CUL3: variants seen among roughly 807,000 people sequenced by gnomAD.
CUL3 encodes cullin-3.
A neutral mutation model predicts 89.1 loss-of-function variants in CUL3; 19 were observed. That is an observed-to-expected ratio of 0.21 (90% CI 0.15 to 0.31). CUL3 has a LOEUF of 0.31. Among genes scored for constraint, CUL3 ranks in the 10% least tolerant of loss-of-function variants. CUL3 has a pLI of 1.00. For missense variants in CUL3, 469 were observed against 942.3 expected (o/e 0.50, Z 6.58); for synonymous variants, 351 against 308.4 (o/e 1.14, Z -1.45).
At position 224,585,355 on chromosome 2, in the gene CUL3, G is replaced by A. The variant is rs896538346; in HGVS notation, c.-346C>T. The A allele has an allele frequency of 5.0e-6, 2 of 400,902 alleles. No individual in the cohort carries two copies. The highest frequency in any genetic ancestry group is 8.8e-6 in the Non-Finnish European group (2 of 228,256). The allele number at this position is 400,902 out of a possible 1,614,324, so 24.8% of individuals were successfully genotyped here. ...AAACATCTCACTGCGCAGGCCGAACGTCGTCCTCCTCCTCCTCCTTCTCCT... is the reference window on the plus strand; with the variant it reads ...AAACATCTCACTGCGCAGGCCGAACATCGTCCTCCTCCTCCTCCTTCTCCT... On this transcript the variant is annotated 5_prime_UTR_variant, in exon 1 of 16. It adds an upstream start codon to the 5' untranslated region. Transcript: ENST00000264414.
At chr2:224,531,233 C>T (rs1003537355) in intron 3 of CUL3, among the ~76,000 whole-genome samples, 4 of 151,610 alleles carry the variant, frequency 2.6e-5, no homozygotes, top group Non-Finnish European at 4.4e-5. Flanking sequence ...ATCATAGGCA[C>T]GCACCACCAC....
intron 10 of CUL3, among the ~76,000 whole-genome samples, chr2:224,501,961 TA>T (rs1692408765): frequency 6.6e-6 from 1 of 152,144 alleles, no homozygotes; most frequent in South Asian, 2.1e-4. Context: ...AATCTAAAAA[TA>T]AAAATCCAGG....
intron 3 of CUL3, among the ~76,000 whole-genome samples, chr2:224,530,551 T>C (rs1693660453): frequency 6.6e-6 from 1 of 152,230 alleles, no homozygotes; most frequent in East Asian, 1.9e-4. Flanking sequence ...CATATGTTTG[T>C]CAAAAATCAT....
At chr2:224,534,977 G>C (rs1412293713) in intron 3 of CUL3, among the ~76,000 whole-genome samples, 1 of 150,250 alleles carries the variant, frequency 6.7e-6, no homozygotes, top group East Asian at 1.9e-4. Flanking sequence ...CTCCAGCCTG[G>C]GGAACAGAGC....
chr2:224,550,858 C>G (rs1574685202), intron 2 of CUL3, among the ~76,000 whole-genome samples: 1 of 152,084 alleles, frequency 6.6e-6, no homozygotes, highest in African/African-American at 2.4e-5. Flanking sequence ...ATTTATCTTG[C>G]TTAAAATCCT....
intron 2 of CUL3, among the ~76,000 whole-genome samples, chr2:224,553,069 T>C (rs1358282952): frequency 2.0e-5 from 3 of 152,122 alleles, no homozygotes; most frequent in Admixed American, 6.6e-5. Context: ...TGAGACTTAC[T>C]ACCTTAGGAA....
intron 2 of CUL3, among the ~76,000 whole-genome samples, chr2:224,540,562 A>C (rs886869990): frequency 1.3e-5 from 2 of 152,164 alleles, no homozygotes; most frequent in Non-Finnish European, 2.9e-5. Context: ...AGGACTAGGA[A>C]ACCACTGGCT....
chr2:224,522,528 C>G (rs1467452845), intron 3 of CUL3, among the ~76,000 whole-genome samples: 1 of 152,076 alleles, frequency 6.6e-6, no homozygotes, highest in Non-Finnish European at 1.5e-5. Context: ...GTGGACTTAG[C>G]CACTACTAAA....
At chr2:224,487,826 A>G (rs1010444840) in intron 13 of CUL3, among the ~76,000 whole-genome samples, 2 of 152,200 alleles carry the variant, frequency 1.3e-5, no homozygotes, top group African/African-American at 4.8e-5. Context: ...ACTTATTCTA[A>G]TATTGACCAC....
chr2:224,577,570 A>C (rs1574709902), intron 1 of CUL3, among the ~76,000 whole-genome samples: 1 of 10,886 alleles, frequency 9.2e-5, no homozygotes, highest in Non-Finnish European at 1.6e-4. Flanking sequence ...ACTCTGTCTC[A>C]AAAAAAAAAA....
chr2:224,577,091 A>T (rs186547159), intron 1 of CUL3, among the ~76,000 whole-genome samples: 1 of 152,254 alleles, frequency 6.6e-6, no homozygotes, highest in Non-Finnish European at 1.5e-5. Context: ...CAAAAACAAC[A>T]TCCAATTTTA....
intron 15 of CUL3, among the ~76,000 whole-genome samples, chr2:224,474,890 G>GT (rs1421306607): frequency 1.3e-5 from 2 of 152,132 alleles, no homozygotes; most frequent in Non-Finnish European, 2.9e-5. Flanking sequence ...GCTTCTGTTG[G>GT]TTTTTTCCAA....
At chr2:224,515,048 TA>T (rs1327187648) in intron 3 of CUL3, among the ~76,000 whole-genome samples, 1 of 150,660 alleles carries the variant, frequency 6.6e-6, no homozygotes, top group Admixed American at 6.6e-5. Context: ...AAAAACAGAG[TA>T]AAAAAAGGTA....
chr2:224,573,922 T>G (rs905009927), intron 1 of CUL3, among the ~76,000 whole-genome samples: 1 of 152,168 alleles, frequency 6.6e-6, no homozygotes, highest in African/African-American at 2.4e-5. Flanking sequence ...AAGTTGTCAC[T>G]AATCTTACAA....
chr2:224,554,396 T>C (rs1694627121), intron 2 of CUL3, among the ~76,000 whole-genome samples: 1 of 152,228 alleles, frequency 6.6e-6, no homozygotes, highest in Non-Finnish European at 1.5e-5. Flanking sequence ...TTTAAAGGAC[T>C]GGAGGTTTAC....
intron 2 of CUL3, among the ~76,000 whole-genome samples, chr2:224,538,225 A>C (rs1693964342): frequency 6.6e-6 from 1 of 152,240 alleles, no homozygotes; most frequent in Non-Finnish European, 1.5e-5. Context: ...ATGTCTTCTT[A>C]TTCAGATTAC....
intron 13 of CUL3, 111 bp downstream of exon 13, chr2:224,495,721 T>C: frequency 1.2e-6 from 1 of 844,984 alleles, no homozygotes; most frequent in Non-Finnish European, 1.8e-6. Context: ...TACAGTTTTC[T>C]CTAAAAGTAC....
At position 224,473,392 on chromosome 2, in the gene CUL3, C is replaced by T. The variant is rs1385038439; in HGVS notation, c.*853G>A. The T allele has an allele frequency of 1.0e-5, 2 of 192,692 alleles. No homozygotes were observed. The highest frequency in any genetic ancestry group is 2.2e-5 in the Non-Finnish European group (2 of 92,066). The allele number at this position is 192,692 out of a possible 1,614,324, so 11.9% of individuals were successfully genotyped here. Reference sequence around the variant, plus strand: ...GCTGCCAACTTTGTGCTCTGACATACTTGAATTAGTGGGTATGTGTATACT... The same window carrying T: ...GCTGCCAACTTTGTGCTCTGACATATTTGAATTAGTGGGTATGTGTATACT... On this transcript the variant is annotated 3_prime_UTR_variant, in exon 16 of 16. Transcript: ENST00000264414.
At chr2:224,572,980 GA>G (rs1695217652) in intron 1 of CUL3, among the ~76,000 whole-genome samples, 1 of 152,284 alleles carries the variant, frequency 6.6e-6, no homozygotes, top group South Asian at 2.1e-4. Flanking sequence ...ACCACAAAAA[GA>G]TTTCAAGAGT....
Sources: gnomAD v4.1 joint callset for allele counts (sites outside exome capture counted in the v4.1 genomes callset) on GRCh38, gnomAD v4.1.1 for gene constraint, MANE v1.5 for transcripts, NCBI Gene and HGNC (gene_info 2026-07-23, HGNC 2026-07-21) for gene names.